BORCS5: variants seen among roughly 807,000 people sequenced by gnomAD.
BORCS5 encodes the protein BLOC-1-related complex subunit 5.
In BORCS5, 17 loss-of-function variants were observed where a neutral mutation model predicts 22.1. That is an observed-to-expected ratio of 0.77 (90% CI 0.53 to 1.15). The LOEUF is 1.15. Among genes scored for constraint, BORCS5 ranks in the 50% most tolerant of loss-of-function variants. The probability of loss-of-function intolerance (pLI) is 0.00; values close to 1 mark genes in which losing one functional copy is unlikely to be tolerated. For synonymous variants in BORCS5, 117 were observed against 99.8 expected, an observed-to-expected ratio of 1.17 and a Z score of -1.03; for missense variants, 247 against 253.2, an observed-to-expected ratio of 0.98 and a Z score of 0.17.
chr12:12,420,512 T>C (rs971135325), intron 2 of BORCS5, among the ~76,000 whole-genome samples: 1 of 152,178 alleles, frequency 6.6e-6, no homozygotes, highest in African/African-American at 2.4e-5. Context: ...TGCTTAGGAT[T>C]GTCTTGGCAA....
intron 1 of BORCS5, among the ~76,000 whole-genome samples, chr12:12,359,727 C>T (rs992151980): frequency 3.3e-5 from 5 of 150,110 alleles, no homozygotes; most frequent in African/African-American, 1.2e-4. Flanking sequence ...GCCAGTCATT[C>T]GGGGGTTGAG....
rs181291805 is a variant in BORCS5, at chr12:12,361,361, C to G, written c.202+12C>G. On this transcript the variant is annotated intron_variant, in intron 2 of 3. Transcript: ENST00000314565. The stretch of plus-strand genomic sequence containing the variant: ...GCCCCTTTTGAAAGGTAAAGGATTG[C>G]GTTTTGTTTTATCTGAACTTGCTGG... The G allele has an allele frequency of 2.5e-6, 4 of 1,610,952 alleles. No homozygotes were observed. Among genetic ancestry groups the G allele is most frequent in the Non-Finnish European group, 3.4e-6 (4 of 1,177,372 alleles).
intron 2 of BORCS5, among the ~76,000 whole-genome samples, chr12:12,413,506 T>C (rs374422070): frequency 6.7e-6 from 1 of 150,228 alleles, no homozygotes; most frequent in Non-Finnish European, 1.5e-5. Flanking sequence ...GGCAACCATC[T>C]GATTTCTCAG....
chr12:12,452,785 C>T (rs1048029310), intron 3 of BORCS5, among the ~76,000 whole-genome samples: 4 of 152,188 alleles, frequency 2.6e-5, no homozygotes, highest in South Asian at 2.1e-4. Context: ...CCAAACCCTC[C>T]ATGGGAGTGG....
At chr12:12,373,970 C>T (rs924742519) in intron 2 of BORCS5, among the ~76,000 whole-genome samples, 1 of 145,780 alleles carries the variant, frequency 6.9e-6, no homozygotes, top group Admixed American at 6.8e-5. Context: ...GGCAGGGTTG[C>T]AGAGAGTATT....
chr12:12,380,180 C>G (rs951879347), intron 2 of BORCS5, among the ~76,000 whole-genome samples: 1 of 151,066 alleles, frequency 6.6e-6, no homozygotes, highest in Non-Finnish European at 1.5e-5. Context: ...GATCACTGAT[C>G]ACAGATCACC....
chr12:12,360,386 C>A (rs533743135), intron 1 of BORCS5, among the ~76,000 whole-genome samples: 2 of 151,970 alleles, frequency 1.3e-5, no homozygotes, highest in East Asian at 3.9e-4. Context: ...CCTGTAATGT[C>A]TGAGGGTTTT....
intron 2 of BORCS5, among the ~76,000 whole-genome samples, chr12:12,366,115 C>T (rs1199058247): frequency 6.6e-6 from 1 of 152,150 alleles, no homozygotes; most frequent in Non-Finnish European, 1.5e-5. Flanking sequence ...CCCTTTCCTG[C>T]TTTCAGGATG....
At chr12:12,385,493 C>G (rs1176607439) in intron 2 of BORCS5, among the ~76,000 whole-genome samples, 1 of 150,202 alleles carries the variant, frequency 6.7e-6, no homozygotes, top group African/African-American at 2.5e-5. Flanking sequence ...GACACAGATT[C>G]TCACTATTTT....
intron 2 of BORCS5, among the ~76,000 whole-genome samples, chr12:12,397,485 C>T (rs944128855): frequency 6.6e-6 from 1 of 152,170 alleles, no homozygotes; most frequent in Non-Finnish European, 1.5e-5. Flanking sequence ...TGCTGTGCTG[C>T]TAATATTGTT....
chr12:12,378,907 C>T (rs572572204), intron 2 of BORCS5, among the ~76,000 whole-genome samples: 25 of 150,852 alleles, frequency 1.7e-4, no homozygotes, highest in African/African-American at 5.8e-4. Flanking sequence ...TGTGTGCCAC[C>T]ACTCCCAGCT....
intron 2 of BORCS5, among the ~76,000 whole-genome samples, chr12:12,364,396 G>C (rs1592052770): frequency 6.6e-6 from 1 of 151,132 alleles, no homozygotes; most frequent in Non-Finnish European, 1.5e-5. Context: ...ATAAGGAAGA[G>C]AAAGTATATT....
chr12:12,405,481 C>G (rs1376987451), intron 2 of BORCS5, among the ~76,000 whole-genome samples: 1 of 152,176 alleles, frequency 6.6e-6, no homozygotes, highest in East Asian at 1.9e-4. Flanking sequence ...TTATTTCCAT[C>G]ACTGTGATTT....
intron 2 of BORCS5, among the ~76,000 whole-genome samples, chr12:12,426,035 G>A (rs1430313088): frequency 6.6e-6 from 1 of 152,174 alleles, no homozygotes; most frequent in Non-Finnish European, 1.5e-5. Flanking sequence ...TACAGATGAA[G>A]GATTTGAATT....
At chr12:12,445,516 C>A (rs988505835) in intron 3 of BORCS5, among the ~76,000 whole-genome samples, 568 of 31,146 alleles carry the variant, frequency 0.018, no homozygotes, top group South Asian at 0.098. Context: ...TTTTTTTTTT[C>A]AATTTGAAAT....
chr12:12,395,931 A>G (rs540911677), intron 2 of BORCS5, among the ~76,000 whole-genome samples: 3 of 152,184 alleles, frequency 2.0e-5, no homozygotes, highest in African/African-American at 4.8e-5. Context: ...GGAAATAGCC[A>G]TAGGGTTGCT....
At chr12:12,435,267 G>C (rs1028512421) in intron 2 of BORCS5, among the ~76,000 whole-genome samples, 1 of 152,204 alleles carries the variant, frequency 6.6e-6, no homozygotes, top group East Asian at 1.9e-4. Flanking sequence ...ACCTTGAAGT[G>C]ATGTGATAAG....
intron 2 of BORCS5, among the ~76,000 whole-genome samples, chr12:12,377,455 A>G (rs1282381969): frequency 6.6e-6 from 1 of 152,142 alleles, no homozygotes; most frequent in African/African-American, 2.4e-5. Flanking sequence ...CTGAGATTAC[A>G]GGCATGAGCT....
intron 2 of BORCS5, among the ~76,000 whole-genome samples, chr12:12,395,266 T>C (rs1271055769): frequency 6.6e-6 from 1 of 150,618 alleles, no homozygotes; most frequent in African/African-American, 2.4e-5. Flanking sequence ...GATGAGACAA[T>C]TATTATTATT....
Sources: allele counts gnomAD v4.1 joint callset (sites outside exome capture counted in the v4.1 genomes callset), GRCh38; gene constraint gnomAD v4.1.1; transcripts MANE v1.5; gene names NCBI Gene and HGNC (gene_info 2026-07-23, HGNC 2026-07-21).